The following EFCAB3 variants were observed in gnomAD, a reference collection of about 807,000 sequenced individuals.
EFCAB3 encodes the protein EF-hand calcium-binding domain-containing protein 3.
A neutral mutation model predicts 42.2 loss-of-function variants in EFCAB3; 36 were observed. That is an observed-to-expected ratio of 0.85 (90% CI 0.65 to 1.13). EFCAB3 has a LOEUF of 1.13. Among genes scored for constraint, EFCAB3 ranks in the 50% most tolerant of loss-of-function variants. The pLI, the probability that EFCAB3 is intolerant of heterozygous loss-of-function variation, is 0.00. For synonymous variants in EFCAB3, 170 were observed against 172.8 expected (o/e 0.98, Z 0.13); for missense variants, 418 against 505.1 (o/e 0.83, Z 1.65).
rs139636966 is a variant in EFCAB3, at chr17:62,391,801, A to G, written c.152-21A>G. On this transcript the variant is annotated intron_variant, in intron 3 of 9. Coordinates refer to ENST00000305286, the MANE Select transcript of EFCAB3 (RefSeq NM_173503.4). ...TTCTTCTTGAACAACTGTCCTGAAT[A>G]ACTTAATCCTATCTCCCCAGCTTTC... The G allele has an allele frequency of 5.3e-5, 86 of 1,611,728 alleles. No individual in the cohort carries two copies. In the Middle Eastern group the frequency reaches 1.5e-3, roughly 28 times the overall value.
At position 62,406,503 on chromosome 17, in the gene EFCAB3, A is replaced by G; in HGVS notation, c.512A>G (p.His171Arg). ...IVSYFQRKFQ[H>R]TGPGMLWSPY... ...AGCTATTTCCAAAGAAAATTCCAGCATACTGGCCCAGGAATGTTGTGGAGT... is the reference window on the plus strand; with the variant it reads ...AGCTATTTCCAAAGAAAATTCCAGCGTACTGGCCCAGGAATGTTGTGGAGT... The change falls in exon 7 of 10, where the codon CAT (histidine) becomes CGT (arginine). Residue 171 changes from histidine to arginine, a missense_variant. His to Arg is a conservative substitution (Grantham distance 29). Coordinates refer to ENST00000305286, the MANE Select transcript of EFCAB3 (RefSeq NM_173503.4). 1.9e-6 allele frequency: 3 copies of G among 1,602,450 alleles called. No homozygotes were observed. The highest frequency in any genetic ancestry group is 2.3e-5 in the South Asian group (2 of 88,702).
chr17:62,397,744 G>GCCCA, intron 6 of EFCAB3: 2 of 454,268 alleles, frequency 4.4e-6, no homozygotes, highest in East Asian at 1.1e-4. Flanking sequence ...GTCATGCTGG[G>GCCCA]CCGAGCACAG....
rs2070450140 is a variant in EFCAB3, at chr17:62,406,586, A to C, written c.595A>C (p.Ser199Arg). ...TLKPDICTPP[S>R]SSMAAFANAA... ...TAAGCCAGACATATGCACACCTCCAAGCTCAAGCATGGCTGCCTTTGCTAA... is the reference window on the plus strand; with the variant it reads ...TAAGCCAGACATATGCACACCTCCACGCTCAAGCATGGCTGCCTTTGCTAA... The change falls in exon 7 of 10, where the codon AGC (serine) becomes CGC (arginine). Residue 199 changes from serine to arginine, a missense_variant. Transcript: ENST00000305286. The C allele has an allele frequency of 1.2e-6, 2 of 1,614,138 alleles. No homozygotes were observed.
rs769910369 is a variant in EFCAB3 at position 62,406,979 on chromosome 17, ACTT to A, written c.683-42_683-40del. The A allele has an allele frequency of 6.5e-6, 10 of 1,530,092 alleles. No individual in the cohort carries two copies. In the East Asian group the frequency reaches 2.0e-4, roughly 31 times the overall value. 94.8% of individuals were successfully genotyped at this position (1,530,092 alleles called of 1,614,324 possible). On this transcript the variant is annotated intron_variant, in intron 7 of 9. Coordinates refer to ENST00000305286, the MANE Select transcript of EFCAB3 (RefSeq NM_173503.4). ...CACCACATGCTGGTCTTTTATGTGA[ACTT>A]CTTCTTACATTGTTTGTGATACCAT...
Position 62,389,532 on chromosome 17 carries a change from A to G in EFCAB3, c.151+2116A>G, listed in dbSNP as rs560438644. On this transcript the variant is annotated intron_variant, in intron 3 of 9. Transcript: ENST00000305286. ...AGGTTAATTTGTTCATTCTACAAATATTTATTGAATACTTCAAGATCCCCA... is the reference window on the plus strand; with the variant it reads ...AGGTTAATTTGTTCATTCTACAAATGTTTATTGAATACTTCAAGATCCCCA... Among the ~76,000 whole-genome samples, 4 of 152,330 alleles carry G rather than the reference A, an allele frequency of 2.6e-5. No homozygotes were observed. In the East Asian group the frequency reaches 5.8e-4, roughly 22 times the overall value.
intron 2 of EFCAB3, chr17:62,373,967 A>T (rs2070132197): frequency 1.7e-6 from 1 of 588,222 alleles, no homozygotes; most frequent in Non-Finnish European, 2.8e-6. Context: ...TATGTTCATT[A>T]TAGAAAATTT....
At chr17:62,378,070 T>C, upstream of EFCAB3, 4 of 1,435,422 alleles carry the variant, frequency 2.8e-6, no homozygotes, top group Middle Eastern at 1.8e-4. Context: ...CTTAATACTT[T>C]GACTTACATT....
intron 1 of EFCAB3, among the ~76,000 whole-genome samples, chr17:62,372,913 T>C (rs943588659): frequency 6.6e-6 from 1 of 152,192 alleles, no homozygotes; most frequent in African/African-American, 2.4e-5. Flanking sequence ...TCAAAATACC[T>C]TGTTCCTTCT....
intron 6 of EFCAB3, among the ~76,000 whole-genome samples, chr17:62,399,326 C>T (rs2070381326): frequency 6.6e-6 from 1 of 151,984 alleles, no homozygotes. Flanking sequence ...CACCATCACA[C>T]CTGGCTAATT....
upstream of EFCAB3, among the ~76,000 whole-genome samples, chr17:62,375,780 C>T (rs916879190): frequency 7.2e-5 from 11 of 152,222 alleles, no homozygotes; most frequent in African/African-American, 2.4e-4. Context: ...GCCAGGAAGG[C>T]ACAACACTTC....
At chr17:62,411,630 G>T (rs923015605) in intron 8 of EFCAB3, among the ~76,000 whole-genome samples, 1 of 152,024 alleles carries the variant, frequency 6.6e-6, no homozygotes, top group Non-Finnish European at 1.5e-5. Context: ...AGTCAGGCAT[G>T]ATGGCACATG....
chr17:62,408,394 A>C (rs2070466421), intron 8 of EFCAB3, among the ~76,000 whole-genome samples: 1 of 152,192 alleles, frequency 6.6e-6, no homozygotes. Context: ...ATCGATTCTC[A>C]ACCCAGCAGC....
intron 9 of EFCAB3, among the ~76,000 whole-genome samples, chr17:62,415,454 C>T (rs940679859): frequency 6.6e-6 from 1 of 152,184 alleles, no homozygotes; most frequent in Non-Finnish European, 1.5e-5. Flanking sequence ...GTGTAAGGGC[C>T]TGCCTGTCCT....
upstream of EFCAB3, among the ~76,000 whole-genome samples, chr17:62,380,260 C>T (rs1300128689): frequency 6.6e-6 from 1 of 152,204 alleles, no homozygotes; most frequent in Non-Finnish European, 1.5e-5. Flanking sequence ...CCTCGGCCCC[C>T]CAAAGTGCTG....
chr17:62,374,807 A>G (rs2070138167), intron 2 of EFCAB3, among the ~76,000 whole-genome samples: 1 of 152,148 alleles, frequency 6.6e-6, no homozygotes, highest in African/African-American at 2.4e-5. Context: ...TGCAAGCCTG[A>G]CTGTGTTTCA....
At chr17:62,384,712 A>T (rs980713664) in intron 2 of EFCAB3, among the ~76,000 whole-genome samples, 1 of 152,226 alleles carries the variant, frequency 6.6e-6, no homozygotes, top group African/African-American at 2.4e-5. Context: ...CTTCTACATC[A>T]TGCAAAAGAA....
At chr17:62,376,200 C>T (rs987662999), upstream of EFCAB3, among the ~76,000 whole-genome samples, 7 of 152,228 alleles carry the variant, frequency 4.6e-5, no homozygotes, top group Admixed American at 3.3e-4. Context: ...TGGCTGGGCA[C>T]GGTGGCTCAC....
At chr17:62,387,545 A>G in intron 3 of EFCAB3, 129 bp downstream of exon 3, 1 of 729,676 alleles carries the variant, frequency 1.4e-6, no homozygotes, top group Non-Finnish European at 2.1e-6. Context: ...AGGAAAAAAA[A>G]CCTTACATTT....
intron 8 of EFCAB3, among the ~76,000 whole-genome samples, chr17:62,408,676 T>C (rs2070468821): frequency 6.6e-6 from 1 of 152,192 alleles, no homozygotes; most frequent in African/African-American, 2.4e-5. Flanking sequence ...CACAGAAATA[T>C]AGAAAATTTC....
Sources: allele counts gnomAD v4.1 joint callset (sites outside exome capture counted in the v4.1 genomes callset), GRCh38; gene constraint gnomAD v4.1.1; transcripts MANE v1.5; gene names NCBI Gene and HGNC (gene_info 2026-07-23, HGNC 2026-07-21).